The following TLK2 variants were observed in gnomAD, a reference collection of about 807,000 sequenced individuals.
TLK2 encodes the protein tousled like kinase 2.
A neutral mutation model predicts 117.3 loss-of-function variants in TLK2; 6 were observed. The ratio of observed to expected loss-of-function variants is 0.05; its 90% confidence interval spans 0.03 to 0.10. The LOEUF (loss-of-function observed/expected upper bound fraction) is 0.10, where lower values mean the gene tolerates loss of function less well. Among genes scored for constraint, TLK2 ranks in the 10% least tolerant of loss-of-function variants. The pLI, the probability that TLK2 is intolerant of heterozygous loss-of-function variation, is 1.00. For synonymous variants in TLK2, 257 were observed against 316.7 expected, an observed-to-expected ratio of 0.81 and a Z score of 2.00; for missense variants, 299 against 901.2, an observed-to-expected ratio of 0.33 and a Z score of 8.56.
At chr17:62,488,103 T>C (rs2072676586) in intron 2 of TLK2, among the ~76,000 whole-genome samples, 1 of 151,834 alleles carries the variant, frequency 6.6e-6, no homozygotes, top group African/African-American at 2.4e-5. Context: ...CCCACCTAAT[T>C]TTTGTATTTT....
chr17:62,478,785 C>G (rs1280632746), upstream of TLK2, among the ~76,000 whole-genome samples: 1 of 143,644 alleles, frequency 7.0e-6, no homozygotes, highest in Non-Finnish European at 1.5e-5. Flanking sequence ...GCAAATCTCG[C>G]GAGGAAACAC....
At chr17:62,564,718 A>G (rs1005059354) in intron 10 of TLK2, among the ~76,000 whole-genome samples, 1 of 150,824 alleles carries the variant, frequency 6.6e-6, no homozygotes, top group African/African-American at 2.4e-5. Context: ...AAAAAAAAAA[A>G]CAAACAAAAA....
chr17:62,498,485 G>C (rs1341167097), intron 2 of TLK2, among the ~76,000 whole-genome samples: 1 of 151,634 alleles, frequency 6.6e-6, no homozygotes, highest in Non-Finnish European at 1.5e-5. Context: ...TGCCTCCTGG[G>C]CTCAAGCGAT....
At position 62,589,072 on chromosome 17, in the gene TLK2, G is replaced by T. The variant is rs1343602928; in HGVS notation, c.1460+2846G>T. ...TTTCAAAAGAAAATAAAAGGTGTTTGTTTTGTTGTATTTTGAATTTTGTTC... is the reference window on the plus strand; with the variant it reads ...TTTCAAAAGAAAATAAAAGGTGTTTTTTTTGTTGTATTTTGAATTTTGTTC... On this transcript the variant is annotated intron_variant, in intron 16 of 21. Transcript: ENST00000346027. 9.2e-5 allele frequency among the ~76,000 whole-genome samples: 14 copies of T among 152,206 alleles called. No homozygotes were observed. In the East Asian group the frequency reaches 2.7e-3, roughly 29 times the overall value.
intron 2 of TLK2, among the ~76,000 whole-genome samples, chr17:62,514,453 T>TAAAAAAA (rs35051879): frequency 6.8e-6 from 1 of 148,046 alleles, no homozygotes; most frequent in Non-Finnish European, 1.5e-5. Context: ...CAATAATAAT[T>TAAAAAAA]AAAAAAAAAA....
At chr17:62,581,331 G>A (rs1199890131) in intron 15 of TLK2, among the ~76,000 whole-genome samples, 2 of 152,052 alleles carry the variant, frequency 1.3e-5, no homozygotes, top group South Asian at 2.1e-4. Flanking sequence ...TGTTTCAGTG[G>A]CATTAAGTAC....
chr17:62,599,953 CAT>C (rs2082754810), intron 17 of TLK2, among the ~76,000 whole-genome samples: 1 of 152,304 alleles, frequency 6.6e-6, no homozygotes, highest in East Asian at 1.9e-4. Context: ...GTCTGTATGA[CAT>C]ATTGACATAA....
chr17:62,591,450 C>G (rs1290882767), intron 16 of TLK2, among the ~76,000 whole-genome samples: 1 of 151,878 alleles, frequency 6.6e-6, no homozygotes, highest in Non-Finnish European at 1.5e-5. Flanking sequence ...AAGCTCACTT[C>G]AAAACATCCA....
chr17:62,589,704 A>G (rs2081927651), intron 16 of TLK2, among the ~76,000 whole-genome samples: 2 of 152,222 alleles, frequency 1.3e-5, no homozygotes, highest in Admixed American at 6.5e-5. Context: ...CAAAATCAAG[A>G]AGTTAAAACC....
chr17:62,502,429 G>GATTGCT (rs2074281734), intron 2 of TLK2, among the ~76,000 whole-genome samples: 1 of 152,100 alleles, frequency 6.6e-6, no homozygotes, highest in Non-Finnish European at 1.5e-5. Flanking sequence ...AAATATATAA[G>GATTGCT]TAACATCATA....
intron 2 of TLK2, among the ~76,000 whole-genome samples, chr17:62,519,796 A>G (rs2075903242): frequency 6.6e-6 from 1 of 152,184 alleles, no homozygotes; most frequent in Non-Finnish European, 1.5e-5. Context: ...TTGCTGAACT[A>G]GTCATTAGTT....
intron 6 of TLK2, among the ~76,000 whole-genome samples, chr17:62,532,438 A>G (rs1444091505): frequency 1.3e-5 from 2 of 152,190 alleles, no homozygotes; most frequent in African/African-American, 4.8e-5. Context: ...CCTGGGTTTA[A>G]ACTGTTACAT....
At chr17:62,554,834 G>C (rs2443117) in intron 9 of TLK2, among the ~76,000 whole-genome samples, 2 of 150,956 alleles carry the variant, frequency 1.3e-5, no homozygotes, top group African/African-American at 4.9e-5. Context: ...CCAAGTTCAC[G>C]CTGCTGTGCT....
chr17:62,573,152 G>A, intron 11 of TLK2, 63 bp from the exon 12 acceptor site: 1 of 1,520,018 alleles, frequency 6.6e-7, no homozygotes, highest in South Asian at 1.3e-5. Flanking sequence ...AATTGTGTGT[G>A]TTCCATAGCT....
At chr17:62,558,842 A>G (rs1489767737) in intron 9 of TLK2, among the ~76,000 whole-genome samples, 1 of 152,228 alleles carries the variant, frequency 6.6e-6, no homozygotes, top group African/African-American at 2.4e-5. Flanking sequence ...TACAAAAGAA[A>G]AAATGATAAA....
In TLK2 at chr17:62,612,550, C is replaced by T. The variant is rs769326835; in HGVS notation, c.2238C>T (p.Asn746=). 6 of 1,612,920 alleles carry T rather than the reference C, an allele frequency of 3.7e-6. No homozygotes were observed. The highest frequency in any genetic ancestry group is 4.2e-6 in the Non-Finnish European group (5 of 1,179,442). ...CATCAACCTCTGGGGCGTCCAATAACAGTTCTTCTAATTGAGACTGACTCC... is the reference window on the plus strand; with the variant it reads ...CATCAACCTCTGGGGCGTCCAATAATAGTTCTTCTAATTGAGACTGACTCC... ...AIASTSGASN[N]SSSN The change falls in exon 22 of 22, where the codon AAC becomes AAT. Residue 746 remains asparagine, a synonymous_variant. Coordinates refer to ENST00000346027, the MANE Select transcript of TLK2 (RefSeq NM_006852.6).
At chr17:62,548,661 G>A (rs1381437600) in intron 7 of TLK2, among the ~76,000 whole-genome samples, 1 of 152,102 alleles carries the variant, frequency 6.6e-6, no homozygotes, top group Non-Finnish European at 1.5e-5. Flanking sequence ...CTTAGAATCA[G>A]ATATAAGCAT....
chr17:62,514,662 T>C (rs2075426620), intron 2 of TLK2, among the ~76,000 whole-genome samples: 1 of 151,074 alleles, frequency 6.6e-6, no homozygotes, highest in Non-Finnish European at 1.5e-5. Flanking sequence ...CAATGCAACC[T>C]CTGCCTCCCA....
intron 9 of TLK2, among the ~76,000 whole-genome samples, chr17:62,557,841 G>A (rs529148371): frequency 6.6e-6 from 1 of 152,278 alleles, no homozygotes; most frequent in South Asian, 2.1e-4. Context: ...AAAAATGTTT[G>A]CTTATGTTTT....
Sources: gnomAD v4.1 joint callset for allele counts (sites outside exome capture counted in the v4.1 genomes callset) on GRCh38, gnomAD v4.1.1 for gene constraint, MANE v1.5 for transcripts, NCBI Gene and HGNC (gene_info 2026-07-23, HGNC 2026-07-21) for gene names.